FNDC3B: variants seen among roughly 807,000 people sequenced by gnomAD.
The protein encoded by FNDC3B is fibronectin type III domain-containing protein 3B.
In FNDC3B, 12 loss-of-function variants were observed where a neutral mutation model predicts 151.5. The observed-to-expected ratio is 0.08, with a 90% CI of 0.05 to 0.13. The LOEUF is 0.13. Ranked by LOEUF, FNDC3B falls within the 10% of genes least tolerant of loss-of-function variation. FNDC3B has a pLI of 1.00. For missense variants in FNDC3B, 1,214 were observed against 1,505.3 expected, an observed-to-expected ratio of 0.81 and a Z score of 3.20; for synonymous variants, 528 against 549.0, an observed-to-expected ratio of 0.96 and a Z score of 0.54.
chr3:172,055,323 C>T (rs1034718115), intron 1 of FNDC3B, among the ~76,000 whole-genome samples: 5 of 151,954 alleles, frequency 3.3e-5, no homozygotes, highest in Non-Finnish European at 7.4e-5. Flanking sequence ...GATTTTGGAC[C>T]TATTTTCTTG....
In FNDC3B at chr3:172,192,161, T is replaced by TG. The variant is rs1553771172; in HGVS notation, c.188-34710_188-34709insG. Among the ~76,000 whole-genome samples the TG allele has an allele frequency of 2.1e-5, 3 of 141,016 alleles. 1 individual carries two copies. The highest frequency in any genetic ancestry group is 6.9e-3 in the Middle Eastern group (2 of 290). The allele number at this position is 141,016 out of a possible 152,430, so 92.5% of individuals were successfully genotyped here. A position where few individuals can be genotyped will look rare whatever the true frequency, so the allele number is the denominator to read the frequency against. On this transcript the variant is annotated intron_variant, in intron 3 of 25. Coordinates refer to ENST00000415807, the MANE Select transcript of FNDC3B (RefSeq NM_022763.4). ...CCAAATACACAGAAGACTGTTTTTT[T>TG]TGTGTGTGTTTTTTGTTTTTTTTTT...
intron 3 of FNDC3B, among the ~76,000 whole-genome samples, chr3:172,186,439 G>A (rs1314784068): frequency 2.0e-5 from 3 of 152,140 alleles, no homozygotes; most frequent in Non-Finnish European, 4.4e-5. Context: ...ACATCCATAG[G>A]TGACTTCATA....
chr3:172,241,468 G>A (rs1727485559), intron 4 of FNDC3B, among the ~76,000 whole-genome samples: 1 of 152,026 alleles, frequency 6.6e-6, no homozygotes, highest in African/African-American at 2.4e-5. Flanking sequence ...ATAGGAAAAA[G>A]GTTTAATCAG....
chr3:172,142,635 A>G (rs1721682405), intron 3 of FNDC3B, among the ~76,000 whole-genome samples: 1 of 152,190 alleles, frequency 6.6e-6, no homozygotes, highest in Non-Finnish European at 1.5e-5. Flanking sequence ...AAGTGTCTTT[A>G]AGGAAGACTG....
At chr3:172,347,481 A>G in intron 21 of FNDC3B, 120 bp downstream of exon 21, 1 of 635,928 alleles carries the variant, frequency 1.6e-6, no homozygotes, top group Admixed American at 3.7e-5. Flanking sequence ...GGAAAAAAAG[A>G]GTCCATTTAA....
intron 1 of FNDC3B, among the ~76,000 whole-genome samples, chr3:172,086,408 A>G (rs1336993707): frequency 6.6e-6 from 1 of 151,980 alleles, no homozygotes; most frequent in Non-Finnish European, 1.5e-5. Context: ...AACAAATGGC[A>G]TATGCTTCCA....
intron 3 of FNDC3B, among the ~76,000 whole-genome samples, chr3:172,194,675 A>G (rs1376292236): frequency 6.6e-6 from 1 of 152,248 alleles, no homozygotes; most frequent in Non-Finnish European, 1.5e-5. Flanking sequence ...GTGTTTATAA[A>G]TATCTACTCA....
At chr3:172,349,810 C>T (rs1277641211) in intron 21 of FNDC3B, among the ~76,000 whole-genome samples, 2 of 152,050 alleles carry the variant, frequency 1.3e-5, no homozygotes, top group Non-Finnish European at 2.9e-5. Flanking sequence ...CGCCTGCCAC[C>T]ACGCCTGACT....
rs150695738 is a variant in FNDC3B at position 172,378,405 on chromosome 3, C to T, written c.3144C>T (p.Ser1048=). 4 of 1,613,134 alleles carry T rather than the reference C, an allele frequency of 2.5e-6. No homozygotes were observed. Among genetic ancestry groups the T allele is most frequent in the Non-Finnish European group, 3.4e-6 (4 of 1,179,700 alleles). Residue 1048 remains serine, a synonymous_variant, in exon 24 of 26, where the codon AGC becomes AGT. Coordinates refer to ENST00000415807, the MANE Select transcript of FNDC3B (RefSeq NM_022763.4). The part of the protein sequence containing the change: ...EGPFSETYTF[S]TTKSVPPTIK... Reference sequence around the variant, plus strand: ...CCTTCTCAGAAACCTATACCTTCAGCACAACCAAAAGTGTCCCCCCCACCA... The same window carrying T: ...CCTTCTCAGAAACCTATACCTTCAGTACAACCAAAAGTGTCCCCCCCACCA...
At chr3:172,050,768 A>G (rs1193684233) in intron 1 of FNDC3B, among the ~76,000 whole-genome samples, 1 of 151,390 alleles carries the variant, frequency 6.6e-6, no homozygotes, top group African/African-American at 2.4e-5. Flanking sequence ...TACTCTTTAT[A>G]TAGTGTGTGT....
intron 19 of FNDC3B, 85 bp from the exon 20 acceptor site, chr3:172,346,242 T>G (rs1560092100): frequency 1.1e-5 from 7 of 649,652 alleles, no homozygotes; most frequent in Non-Finnish European, 1.8e-5. Flanking sequence ...AGCTTTTATT[T>G]GGTTATAAGC....
chr3:172,334,929 T>C lies in FNDC3B; in HGVS notation c.1642-15T>C, dbSNP rs778892508. 1.2e-6 allele frequency: 2 copies of C among 1,606,070 alleles called. No homozygotes were observed. Among genetic ancestry groups the C allele is most frequent in the Non-Finnish European group, 1.7e-6 (2 of 1,176,878 alleles). On this transcript the variant is annotated splice_polypyrimidine_tract_variant and intron_variant, in intron 14 of 25. Coordinates refer to ENST00000415807, the MANE Select transcript of FNDC3B (RefSeq NM_022763.4). Reference sequence around the variant, plus strand: ...ATAACTAAATCATGTTAACGTTTCCTTGGTTGTGTTCTAGCTGACTGCTTC... The same window carrying C: ...ATAACTAAATCATGTTAACGTTTCCCTGGTTGTGTTCTAGCTGACTGCTTC...
At chr3:172,368,739 G>A (rs1734749073) in intron 23 of FNDC3B, among the ~76,000 whole-genome samples, 1 of 152,154 alleles carries the variant, frequency 6.6e-6, no homozygotes, top group Admixed American at 6.5e-5. Flanking sequence ...GGCCAGATGC[G>A]GTGACTCATG....
intron 8 of FNDC3B, among the ~76,000 whole-genome samples, chr3:172,295,753 T>G (rs1467111974): frequency 6.6e-6 from 1 of 152,226 alleles, no homozygotes; most frequent in African/African-American, 2.4e-5. Flanking sequence ...ATATTTGCTG[T>G]CAGTAGAGTA....
intron 1 of FNDC3B, among the ~76,000 whole-genome samples, chr3:172,088,680 G>T (rs1718668624): frequency 6.6e-6 from 1 of 152,210 alleles, no homozygotes; most frequent in African/African-American, 2.4e-5. Flanking sequence ...TTCATAAATT[G>T]ATTTAAAAGT....
In FNDC3B at chr3:172,327,669, G is replaced by T. The variant is rs189919158; in HGVS notation, c.1255-1283G>T. Among the ~76,000 whole-genome samples the T allele has an allele frequency of 3.7e-3, 569 of 152,366 alleles. 2 individuals carry two copies. Among genetic ancestry groups the T allele is most frequent in the African/African-American group, 0.013 (523 of 41,588 alleles). On this transcript the variant is annotated intron_variant, in intron 11 of 25. Transcript: ENST00000415807. ...TCTGCCCGCCTCAACCTCCCAAAGT[G>T]CTGGGATTACAGGCGTGAGCCACCG...
rs530419762 is a variant in FNDC3B, at chr3:172,224,089, T to C, written c.188-2782T>C. ...GATCACACTCTTAACATCTGCTCCA[T>C]TGAGCTGTGTACATCAGCCCTTGAA... is the stretch of plus-strand genomic sequence containing the variant. On this transcript the variant is annotated intron_variant, in intron 3 of 25. Transcript: ENST00000415807. Among the ~76,000 whole-genome samples, 27 of 152,372 alleles carry C rather than the reference T, an allele frequency of 1.8e-4. No individual in the cohort carries two copies. In the Middle Eastern group the frequency reaches 0.01, roughly 58 times the overall value.
intron 3 of FNDC3B, among the ~76,000 whole-genome samples, chr3:172,202,908 G>A (rs1725231512): frequency 6.6e-6 from 1 of 152,158 alleles, no homozygotes; most frequent in South Asian, 2.1e-4. Flanking sequence ...GGGCAAGATG[G>A]TAAATAACAT....
At chr3:172,125,847 C>T (rs575432903) in intron 2 of FNDC3B, among the ~76,000 whole-genome samples, 4 of 152,160 alleles carry the variant, frequency 2.6e-5, no homozygotes, top group Middle Eastern at 6.8e-3. Context: ...GCAGTGATAC[C>T]GTACCGGGTT....
Sources: allele counts gnomAD v4.1 joint callset (sites outside exome capture counted in the v4.1 genomes callset), GRCh38; gene constraint gnomAD v4.1.1; transcripts MANE v1.5; gene names NCBI Gene and HGNC (gene_info 2026-07-23, HGNC 2026-07-21).